The following MYT1L variants were observed in gnomAD, a reference collection of about 807,000 sequenced individuals.
MYT1L encodes myelin transcription factor 1 like.
A neutral mutation model predicts 126.7 loss-of-function variants in MYT1L; 12 were observed. The observed-to-expected ratio is 0.09, with a 90% CI of 0.06 to 0.15. MYT1L has a LOEUF of 0.15. MYT1L is among the 10% of genes least tolerant of loss of function. MYT1L has a pLI of 1.00. For missense variants in MYT1L, 979 were observed against 1,585.2 expected, an observed-to-expected ratio of 0.62 and a Z score of 6.49; for synonymous variants, 541 against 604.2, an observed-to-expected ratio of 0.90 and a Z score of 1.53.
chr2:2,008,010 T>C (rs2063489223), intron 4 of MYT1L, among the ~76,000 whole-genome samples: 1 of 152,214 alleles, frequency 6.6e-6, no homozygotes, highest in Non-Finnish European at 1.5e-5. Context: ...AGAGCATCTC[T>C]ATAGTAGAAC....
intron 3 of MYT1L, among the ~76,000 whole-genome samples, chr2:2,068,576 T>C (rs2074161702): frequency 6.6e-6 from 1 of 152,170 alleles, no homozygotes. Flanking sequence ...ATTACTCACT[T>C]TGTAAATAAA....
rs549413535 is a variant in MYT1L at position 2,206,845 on chromosome 2, A to G, written c.-420-33857T>C. ...CTATTTAGAGCCACGTTTTTCATTT[A>G]TGTCCTTCTTCTTCTGTTTAAAATA... On this transcript the variant is annotated intron_variant, in intron 2 of 24. Transcript: ENST00000647738. Among the ~76,000 whole-genome samples the G allele has an allele frequency of 2.6e-4, 40 of 152,172 alleles. No individual in the cohort carries two copies. In the South Asian group the frequency reaches 5.4e-3, roughly 21 times the overall value.
chr2:2,150,458 AG>A (rs2085573722), intron 3 of MYT1L, among the ~76,000 whole-genome samples: 1 of 152,218 alleles, frequency 6.6e-6, no homozygotes, highest in African/African-American at 2.4e-5. Flanking sequence ...GAAAAAAATA[AG>A]TCAGTGTTTA....
chr2:2,282,197 T>C (rs540311008), intron 2 of MYT1L, among the ~76,000 whole-genome samples: 1 of 152,356 alleles, frequency 6.6e-6, no homozygotes, highest in South Asian at 2.1e-4. Context: ...GATCATGTTC[T>C]ATCATTTACA....
At chr2:1,822,337 G>T (rs2038662806) in intron 21 of MYT1L, among the ~76,000 whole-genome samples, 1 of 152,250 alleles carries the variant, frequency 6.6e-6, no homozygotes, top group East Asian at 1.9e-4. Context: ...TCAGTCTGCA[G>T]AGCTTGGCTA....
chr2:2,129,686 C>T (rs1047263811), intron 3 of MYT1L, among the ~76,000 whole-genome samples: 24 of 152,272 alleles, frequency 1.6e-4, no homozygotes, highest in African/African-American at 5.8e-4. Context: ...GTGGGCGGAT[C>T]ACAAGGTCAG....
intron 2 of MYT1L, among the ~76,000 whole-genome samples, chr2:2,187,751 C>T (rs1325755334): frequency 1.3e-5 from 2 of 152,094 alleles, no homozygotes; most frequent in African/African-American, 4.8e-5. Flanking sequence ...ATATATCTTA[C>T]TGGATAAGTT....
intron 19 of MYT1L, among the ~76,000 whole-genome samples, chr2:1,851,348 C>T (rs1169674941): frequency 6.6e-6 from 1 of 152,074 alleles, no homozygotes; most frequent in African/African-American, 2.4e-5. Flanking sequence ...TTTGCCTTTA[C>T]TCTTCCAATT....
chr2:2,221,305 G>C (rs1559376991), intron 2 of MYT1L, among the ~76,000 whole-genome samples: 1 of 152,128 alleles, frequency 6.6e-6, no homozygotes, highest in Non-Finnish European at 1.5e-5. Context: ...GGAACCGCTG[G>C]CATGGATTGA....
chr2:2,166,764 C>A (rs2089193797), intron 3 of MYT1L, among the ~76,000 whole-genome samples: 1 of 152,226 alleles, frequency 6.6e-6, no homozygotes, highest in South Asian at 2.1e-4. Context: ...CATTTCCCCT[C>A]AACCTGCCTT....
chr2:1,899,193 C>T (rs1255944030), intron 14 of MYT1L, among the ~76,000 whole-genome samples: 4 of 152,172 alleles, frequency 2.6e-5, no homozygotes, highest in African/African-American at 4.8e-5. Flanking sequence ...GCAAATGTTT[C>T]GGCTTTGGGA....
chr2:2,030,544 G>T (rs1257497945), intron 4 of MYT1L, among the ~76,000 whole-genome samples: 1 of 152,130 alleles, frequency 6.6e-6, no homozygotes, highest in Non-Finnish European at 1.5e-5. Flanking sequence ...GAGTGATTAA[G>T]ATTTTTTAAA....
chr2:2,224,298 G>C lies in MYT1L; in HGVS notation c.-420-51310C>G, dbSNP rs529315647. Among the ~76,000 whole-genome samples the C allele has an allele frequency of 7.2e-5, 11 of 152,142 alleles. No homozygotes were observed. Among genetic ancestry groups the C allele is most frequent in the African/African-American group, 2.7e-4 (11 of 41,488 alleles). ...TAGCAGGGTGTGACAGCAACAGATGGCACCCAGAAAGGAGGCGTGGCGAGA... is the reference window on the plus strand; with the variant it reads ...TAGCAGGGTGTGACAGCAACAGATGCCACCCAGAAAGGAGGCGTGGCGAGA... On this transcript the variant is annotated intron_variant, in intron 2 of 24. Coordinates refer to ENST00000647738, the MANE Select transcript of MYT1L (RefSeq NM_001303052.2). The surrounding 1 kb of genome is among the most constrained non-coding windows in gnomAD (Gnocchi z 4.0).
intron 3 of MYT1L, among the ~76,000 whole-genome samples, chr2:2,105,838 G>A (rs1409977411): frequency 6.6e-6 from 1 of 152,138 alleles, no homozygotes; most frequent in Admixed American, 6.5e-5. Flanking sequence ...TCAAAATGAG[G>A]TTTACGTGTA....
intron 2 of MYT1L, among the ~76,000 whole-genome samples, chr2:2,273,310 A>G (rs1311474612): frequency 6.6e-6 from 1 of 152,220 alleles, no homozygotes; most frequent in African/African-American, 2.4e-5. Flanking sequence ...TTCCTTAAGG[A>G]TTAAAACACA....
At chr2:1,817,265 G>A (rs1033164675) in intron 21 of MYT1L, among the ~76,000 whole-genome samples, 6 of 152,272 alleles carry the variant, frequency 3.9e-5, no homozygotes, top group Admixed American at 1.3e-4. Flanking sequence ...GAGGACCGAC[G>A]GCTCCAGGAA....
intron 5 of MYT1L, among the ~76,000 whole-genome samples, chr2:1,996,369 C>A (rs1023437557): frequency 6.6e-6 from 1 of 151,606 alleles, no homozygotes; most frequent in African/African-American, 2.4e-5. Context: ...GACGGGCCAC[C>A]TTTACCTAGT....
chr2:2,204,078 A>C (rs2093202760), intron 2 of MYT1L, among the ~76,000 whole-genome samples: 1 of 152,250 alleles, frequency 6.6e-6, no homozygotes, highest in East Asian at 1.9e-4. Flanking sequence ...CTGAAAGTGG[A>C]TCGCTTCCTT....
intron 4 of MYT1L, among the ~76,000 whole-genome samples, chr2:2,004,732 GTGCC>G (rs2062981486): frequency 1.0e-5 from 1 of 98,658 alleles, no homozygotes; most frequent in African/African-American, 4.5e-5. Flanking sequence ...TCTTTCCTGC[GTGCC>G]TTCTTTCCTG....
Sources: allele counts gnomAD v4.1 joint callset (sites outside exome capture counted in the v4.1 genomes callset), GRCh38; gene constraint gnomAD v4.1.1; non-coding constraint Gnocchi (gnomAD v3.1); transcripts MANE v1.5; gene names NCBI Gene and HGNC (gene_info 2026-07-23, HGNC 2026-07-21).